IFT25: variants seen among roughly 807,000 people sequenced by gnomAD.
IFT25 encodes the protein intraflagellar transport 25.
chr1:53,935,036 CT>C, the IFT25 span, among the ~76,000 whole-genome samples: 28 of 152,262 alleles, frequency 1.8e-4, no homozygotes, highest in East Asian at 5.4e-3. Context: ...CCAGTCACGG[CT>C]GGGGGTTGTG....
At chr1:53,930,176 T>C in the IFT25 span, 3 of 1,525,724 alleles carry the variant, frequency 2.0e-6, no homozygotes, top group Non-Finnish European at 2.6e-6. Context: ...AAAATAAGAA[T>C]AGCCAAATAT....
the IFT25 span, among the ~76,000 whole-genome samples, chr1:53,943,085 T>C: frequency 6.6e-6 from 1 of 152,248 alleles, no homozygotes; most frequent in East Asian, 1.9e-4. Flanking sequence ...TCTTTTTTTT[T>C]ACACCTCCTG....
the IFT25 span, chr1:53,921,620 T>TA: frequency 7.8e-7 from 1 of 1,275,434 alleles, no homozygotes; most frequent in Non-Finnish European, 1.1e-6. Context: ...AATATATTGT[T>TA]AAAAAATCAT....
the IFT25 span, among the ~76,000 whole-genome samples, chr1:53,914,255 C>T: frequency 6.6e-6 from 1 of 152,196 alleles, no homozygotes; most frequent in African/African-American, 2.4e-5. Context: ...TATGCCAGTT[C>T]TCAGCTTCTT....
the IFT25 span, among the ~76,000 whole-genome samples, chr1:53,911,782 A>G: frequency 2.0e-4 from 30 of 152,262 alleles, no homozygotes; most frequent in African/African-American, 6.5e-4. Flanking sequence ...GGTGACTTTG[A>G]TCAAGCTGCC....
chr1:53,923,697 C>A, the IFT25 span: 1 of 436,578 alleles, frequency 2.3e-6, no homozygotes, highest in South Asian at 5.6e-5. Flanking sequence ...TTTTATCTTG[C>A]CGTCACTCTC....
chr1:53,916,879 C>T, the IFT25 span: 6 of 393,334 alleles, frequency 1.5e-5, no homozygotes, highest in Non-Finnish European at 2.7e-5. Context: ...CAGTGGCTCA[C>T]ACCTGTAATC....
the IFT25 span, chr1:53,916,570 A>G: frequency 1.0e-5 from 2 of 195,966 alleles, no homozygotes; most frequent in Non-Finnish European, 1.0e-5. Flanking sequence ...GGCAAAAAGA[A>G]AATGCTCAGC....
chr1:53,917,301 C>T, the IFT25 span, among the ~76,000 whole-genome samples: 1 of 152,226 alleles, frequency 6.6e-6, no homozygotes, highest in Admixed American at 6.5e-5. Context: ...AACTAACCCT[C>T]TTTCCTTTAT....
chr1:53,924,511 C>T, the IFT25 span, among the ~76,000 whole-genome samples: 33,260 of 152,136 alleles, frequency 0.22, 5,503 homozygotes, highest in African/African-American at 0.47. Flanking sequence ...AACAATTCTT[C>T]TGGAAACATG....
chr1:53,941,182 A>T, the IFT25 span, among the ~76,000 whole-genome samples: 17 of 152,028 alleles, frequency 1.1e-4, no homozygotes, highest in Admixed American at 2.6e-4. Context: ...TTTAGTAGAG[A>T]CGGGGTTTCA....
At chr1:53,934,868 G>A in the IFT25 span, among the ~76,000 whole-genome samples, 2 of 152,138 alleles carry the variant, frequency 1.3e-5, no homozygotes, top group East Asian at 1.9e-4. Flanking sequence ...GTGTAGTGGT[G>A]CACACCTGTA....
chr1:53,946,284 T>TGGCCCCGCCTCCAGGTCC, the IFT25 span: 1 of 151,218 alleles, frequency 6.6e-6, no homozygotes, highest in Non-Finnish European at 1.5e-5. Context: ...GCCCTGGGCC[T>TGGCCCCGCCTCCAGGTCC]GGCCCCGCCT....
At chr1:53,925,329 A>C in the IFT25 span, among the ~76,000 whole-genome samples, 1 of 152,140 alleles carries the variant, frequency 6.6e-6, no homozygotes, top group African/African-American at 2.4e-5. Flanking sequence ...ATTAATAATA[A>C]ACTTTTTCAT....
At chr1:53,943,506 T>C in the IFT25 span, among the ~76,000 whole-genome samples, 2 of 152,180 alleles carry the variant, frequency 1.3e-5, no homozygotes, top group African/African-American at 4.8e-5. Context: ...TATACCATCA[T>C]ATACGGGACA....
chr1:53,936,738 C>T, the IFT25 span, among the ~76,000 whole-genome samples: 1 of 152,116 alleles, frequency 6.6e-6, no homozygotes, highest in African/African-American at 2.4e-5. Context: ...TTCTACACTA[C>T]ACCAAAAGGA....
At chr1:53,925,701 A>C in the IFT25 span, among the ~76,000 whole-genome samples, 2 of 151,830 alleles carry the variant, frequency 1.3e-5, no homozygotes, top group African/African-American at 4.8e-5. Flanking sequence ...AAAAATATCA[A>C]ACATACTTAG....
chr1:53,924,792 G>A, the IFT25 span, among the ~76,000 whole-genome samples: 165 of 152,096 alleles, frequency 1.1e-3, no homozygotes, highest in African/African-American at 3.5e-3. Flanking sequence ...AGCCGAGATC[G>A]CGCCACTGCA....
chr1:53,944,242 G>A, the IFT25 span, among the ~76,000 whole-genome samples: 1 of 152,142 alleles, frequency 6.6e-6, no homozygotes, highest in African/African-American at 2.4e-5. Flanking sequence ...CTGGTGACTC[G>A]CCTGTAATCC....
Sources: allele counts gnomAD v4.1 joint callset (sites outside exome capture counted in the v4.1 genomes callset), GRCh38; gene constraint gnomAD v4.1.1; transcripts MANE v1.5; gene names NCBI Gene and HGNC (gene_info 2026-07-23, HGNC 2026-07-21).